Variants in DMD observed in about 807,000 individuals in gnomAD.
DMD encodes dystrophin.
Under a neutral mutation model 330.1 loss-of-function variants are expected in DMD, and 63 were observed. That is an observed-to-expected ratio of 0.19 (90% CI 0.16 to 0.24). The LOEUF is 0.24. Among genes scored for constraint, DMD ranks in the 10% least tolerant of loss-of-function variants. DMD has a pLI of 1.00. For missense variants in DMD, 3,344 were observed against 2,684.1 expected, an observed-to-expected ratio of 1.25 and a Z score of -5.43; for synonymous variants, 1,223 against 959.8, an observed-to-expected ratio of 1.27 and a Z score of -5.07.
intron 63 of DMD, among the ~76,000 whole-genome samples, chrX:31,260,351 C>G (rs1241743279): frequency 8.9e-6 from 1 of 112,342 alleles, no homozygotes; most frequent in Non-Finnish European, 1.9e-5. Flanking sequence ...TGTAAAAAGA[C>G]TGGTGTTTTC....
intron 7 of DMD, among the ~76,000 whole-genome samples, chrX:32,772,779 T>C (rs745586371): frequency 6.3e-5 from 7 of 110,870 alleles, no homozygotes; most frequent in Non-Finnish European, 1.1e-4. Context: ...TACAACAGAC[T>C]CCCCCCTATA....
At chrX:33,087,543 C>A (rs967461411) in intron 1 of DMD, among the ~76,000 whole-genome samples, 3 of 111,909 alleles carry the variant, frequency 2.7e-5, no homozygotes, top group Non-Finnish European at 5.6e-5. Flanking sequence ...TTTCTACTCA[C>A]ATTCATTCAT....
At chrX:32,699,455 A>T (rs2063917932) in intron 7 of DMD, among the ~76,000 whole-genome samples, 162 bp from the exon 8 acceptor site, 1 of 112,024 alleles carries the variant, frequency 8.9e-6, no homozygotes, top group Non-Finnish European at 1.9e-5. Context: ...AATGAGGCCT[A>T]AAATGTCTTT....
intron 19 of DMD, among the ~76,000 whole-genome samples, chrX:32,492,631 C>A (rs1009782017): frequency 8.9e-6 from 1 of 112,067 alleles, no homozygotes; most frequent in Non-Finnish European, 1.9e-5. Flanking sequence ...GAAAGCATGG[C>A]AACATCACGC....
At chrX:33,141,913 G>A in intron 1 of DMD, among the ~76,000 whole-genome samples, 1 of 111,842 alleles carries the variant, frequency 8.9e-6, no homozygotes, top group Non-Finnish European at 1.9e-5. Flanking sequence ...AATTCTTAAT[G>A]ATCCCAACAC....
At chrX:31,231,750 G>A (rs1226129777) in intron 63 of DMD, among the ~76,000 whole-genome samples, 1 of 111,813 alleles carries the variant, frequency 8.9e-6, no homozygotes, top group Non-Finnish European at 1.9e-5. Context: ...TGCGGCGGCA[G>A]GCACCTGTAA....
At chrX:32,982,011 G>A (rs1322471490) in intron 2 of DMD, among the ~76,000 whole-genome samples, 5 of 111,443 alleles carry the variant, frequency 4.5e-5, no homozygotes, top group South Asian at 7.5e-4. Context: ...TTTTTCTGTC[G>A]ATCATTCTCT....
chrX:31,204,898 A>G (rs1311253179), intron 66 of DMD, among the ~76,000 whole-genome samples: 1 of 112,243 alleles, frequency 8.9e-6, no homozygotes, highest in Non-Finnish European at 1.9e-5. Context: ...CTGGGATTAC[A>G]GGTGTGAGCT....
intron 7 of DMD, among the ~76,000 whole-genome samples, chrX:32,786,088 T>A (rs1393580861): frequency 5.0e-5 from 4 of 80,713 alleles, no homozygotes; most frequent in East Asian, 3.3e-4. Flanking sequence ...GGAATAAGAG[T>A]GTGTGTGTGT....
chrX:32,502,861 C>A lies in DMD; in HGVS notation c.2293-1019G>T, dbSNP rs758856514. ...TAACAGATACATGGACAGTCTGCAC[C>A]ACTGTTGAGTATAAATTTGTGCAGG... On this transcript the variant is annotated intron_variant, in intron 18 of 78. Transcript: ENST00000357033. Among the ~76,000 whole-genome samples, 144 of 110,716 alleles carry A rather than the reference C, an allele frequency of 1.3e-3. 1 individual carries two copies. The highest frequency in any genetic ancestry group is 4.6e-3 in the African/African-American group (139 of 30,440).
chrX:32,877,548 T>C (rs1320953563), intron 2 of DMD, among the ~76,000 whole-genome samples: 1 of 112,271 alleles, frequency 8.9e-6, no homozygotes, highest in East Asian at 2.8e-4. Flanking sequence ...TTAGAGGTTA[T>C]AGCCAAAAAA....
intron 29 of DMD, chrX:32,412,327 G>C: frequency 1.5e-6 from 1 of 651,397 alleles, no homozygotes; most frequent in African/African-American, 2.3e-5. Flanking sequence ...CAGATAATCT[G>C]CTTCCACCAG....
chrX:32,517,654 T>G, intron 18 of DMD: 2 of 290,614 alleles, frequency 6.9e-6, no homozygotes, highest in Non-Finnish European at 1.2e-5. Flanking sequence ...TACTCTATTC[T>G]ACTCTACACA....
At position 33,251,714 on chromosome X, in the gene DMD, C is replaced by T. The variant is rs182494085; in HGVS notation, c.7+87545G>A. Among the ~76,000 whole-genome samples the T allele has an allele frequency of 3.6e-5, 4 of 111,832 alleles. No individual in the cohort carries two copies. In the Admixed American group the frequency reaches 3.8e-4, roughly 11 times the overall value. ...AATGGTATATTGGATATTTTTTATA[C>T]TATCAAGGGATTCTTCTCCCCAGAG... On this transcript the variant is annotated intron_variant, in intron 1 of 17. Coordinates refer to the DMD transcript ENST00000288447.
intron 1 of DMD, among the ~76,000 whole-genome samples, chrX:33,088,642 G>A (rs1490162311): frequency 9.0e-6 from 1 of 110,846 alleles, no homozygotes; most frequent in African/African-American, 3.3e-5. Context: ...CCGACATCGC[G>A]CCACTGCACT....
chrX:33,239,962 G>A (rs753192986), intron 1 of DMD, among the ~76,000 whole-genome samples: 5 of 110,551 alleles, frequency 4.5e-5, no homozygotes, highest in South Asian at 3.8e-4. Context: ...TCAAAGTTAC[G>A]TGTATAAAGT....
chrX:32,504,170 GT>G (rs2044369337), intron 18 of DMD, among the ~76,000 whole-genome samples: 1 of 112,108 alleles, frequency 8.9e-6, no homozygotes, highest in Non-Finnish European at 1.9e-5. Context: ...CCCTTCTTTT[GT>G]TTTAATTACA....
At chrX:33,316,253 A>G (rs1212694566) in intron 1 of DMD, among the ~76,000 whole-genome samples, 1 of 110,884 alleles carries the variant, frequency 9.0e-6, no homozygotes, top group Non-Finnish European at 1.9e-5. Flanking sequence ...CCAAACTCCA[A>G]CAATTCAATA....
rs749197279 is a variant in DMD, at chrX:32,875,417, T to C, written c.94-25597A>G. Among the ~76,000 whole-genome samples the C allele has an allele frequency of 1.6e-4, 18 of 112,257 alleles. 1 individual carries two copies. The South Asian group carries it at 6.2e-3, about 39-fold the overall frequency. ...TTTCAACCTGCTGTGAGAAACTCTA[T>C]GCAAAGTGTTTCCATGATAATTTTC... is the stretch of plus-strand genomic sequence containing the variant. On this transcript the variant is annotated intron_variant, in intron 2 of 78. Coordinates refer to ENST00000357033, the MANE Select transcript of DMD (RefSeq NM_004006.3).
Sources: gnomAD v4.1 joint callset for allele counts (sites outside exome capture counted in the v4.1 genomes callset) on GRCh38, gnomAD v4.1.1 for gene constraint, MANE v1.5 for transcripts, NCBI Gene and HGNC (gene_info 2026-07-23, HGNC 2026-07-21) for gene names.